The following COMMD5 variants were observed in gnomAD, a reference collection of about 807,000 sequenced individuals.
COMMD5 encodes COMM domain containing 5.
A neutral mutation model predicts 6.9 loss-of-function variants in COMMD5; 10 were observed. The observed-to-expected ratio is 1.44, with a 90% CI of 0.89 to 2.45. The LOEUF is 2.45. Among genes scored for constraint, COMMD5 ranks in the 30% most tolerant of loss-of-function variants. The probability of loss-of-function intolerance (pLI) is 0.00; values close to 1 mark genes in which losing one functional copy is unlikely to be tolerated. For synonymous variants in COMMD5, 127 were observed against 125.3 expected (o/e 1.01, Z -0.09); for missense variants, 234 against 287.8 (o/e 0.81, Z 1.35).
rs139772498 is a variant in COMMD5, at chr8:144,843,481, G to A, written c.*117-1738C>T. Reference sequence around the variant, plus strand: ...CAGGCACCTGTGGTCCCAGCTGCTCGGGAGGCTGAGGCAGGAGAATGGCAT... The same window carrying A: ...CAGGCACCTGTGGTCCCAGCTGCTCAGGAGGCTGAGGCAGGAGAATGGCAT... On this transcript the variant is annotated intron_variant and NMD_transcript_variant, in intron 1 of 1. Coordinates refer to the COMMD5 transcript ENST00000530332. 506 of 190,910 alleles carry A rather than the reference G, an allele frequency of 2.7e-3. 1 individual carries two copies. The highest frequency in any genetic ancestry group is 0.011 in the African/African-American group (456 of 42,436). 11.8% of individuals were successfully genotyped at this position (190,910 alleles called of 1,614,324 possible).
downstream of COMMD5, among the ~76,000 whole-genome samples, chr8:144,848,261 G>A (rs913887299): frequency 2.0e-4 from 31 of 151,950 alleles, no homozygotes; most frequent in African/African-American, 7.5e-4. Context: ...AGCCATGATC[G>A]TGCCATTGCA....
downstream of COMMD5, among the ~76,000 whole-genome samples, chr8:144,840,043 T>C (rs2130674149): frequency 6.6e-6 from 1 of 152,386 alleles, no homozygotes; most frequent in Non-Finnish European, 1.5e-5. Context: ...CAAGTGATTC[T>C]TGTGCCTCAG....
chr8:144,845,990 C>T (rs557000934), downstream of COMMD5: 39 of 1,536,522 alleles, frequency 2.5e-5, no homozygotes, highest in South Asian at 1.4e-4. Context: ...CTTTCTGGGC[C>T]GCCCAACCAT....
downstream of COMMD5, chr8:144,845,918 T>C: frequency 6.7e-7 from 1 of 1,495,940 alleles, no homozygotes; most frequent in Non-Finnish European, 8.9e-7. Flanking sequence ...GTAATGTGCT[T>C]AGCCAGGTGG....
chr8:144,848,657 T>C (rs939904783), downstream of COMMD5, among the ~76,000 whole-genome samples: 1 of 152,220 alleles, frequency 6.6e-6, no homozygotes, highest in Admixed American at 6.5e-5. Flanking sequence ...GTTTGCTCAC[T>C]GCTGAGTCAG....
At chr8:144,847,838 G>A (rs571245962), downstream of COMMD5, among the ~76,000 whole-genome samples, 122 of 152,246 alleles carry the variant, frequency 8.0e-4, no homozygotes, top group African/African-American at 2.7e-3. Context: ...GCAGACATCC[G>A]TTCTCTGTGC....
downstream of COMMD5, among the ~76,000 whole-genome samples, chr8:144,840,223 C>A (rs1261586499): frequency 6.6e-6 from 1 of 152,200 alleles, no homozygotes; most frequent in Non-Finnish European, 1.5e-5. Context: ...GAGGACCAGG[C>A]CTGGAGATGC....
downstream of COMMD5, chr8:144,846,697 GA>G (rs1034155972): frequency 9.1e-5 from 14 of 153,636 alleles, no homozygotes; most frequent in African/African-American, 3.4e-4. Context: ...GGGATGGGAG[GA>G]GGAGTCTTCT....
intron 1 of COMMD5, among the ~76,000 whole-genome samples, chr8:144,844,634 G>A (rs1371439371): frequency 1.3e-5 from 2 of 150,584 alleles, no homozygotes; most frequent in Non-Finnish European, 2.9e-5. Context: ...GTGTGAACCT[G>A]GGAGGCAGAG....
At chr8:144,841,565 T>G (rs1460988250) in exon 2 of COMMD5, 2 of 1,614,078 alleles carry the variant, frequency 1.2e-6, no homozygotes, top group East Asian at 2.2e-5. Context: ...AATAACTGTT[T>G]GAATGAGGAG....
exon 2 of COMMD5, chr8:144,841,539 A>C: frequency 1.2e-6 from 2 of 1,614,180 alleles, no homozygotes. Flanking sequence ...TGAAAGTGAC[A>C]GGCTTTACCT....
At chr8:144,841,612 C>A (rs368105854) in exon 2 of COMMD5, 1 of 1,614,194 alleles carries the variant, frequency 6.2e-7, no homozygotes, top group Non-Finnish European at 8.5e-7. Flanking sequence ...GGACGCACCC[C>A]AGGGATGTAA....
chr8:144,841,205 C>A (rs1276764622), exon 2 of COMMD5: 1 of 760,870 alleles, frequency 1.3e-6, no homozygotes. Flanking sequence ...CTGTCAAAGG[C>A]TCTGCCTTCT....
downstream of COMMD5, chr8:144,838,190 C>T (rs762778559): frequency 2.4e-5 from 17 of 700,966 alleles, no homozygotes; most frequent in Non-Finnish European, 4.4e-5. Context: ...ACACGGCTGC[C>T]TTCTCCCTGC....
downstream of COMMD5, among the ~76,000 whole-genome samples, chr8:144,840,313 A>T (rs956551702): frequency 6.6e-6 from 1 of 152,198 alleles, no homozygotes; most frequent in South Asian, 2.1e-4. Context: ...TCCAGGACTG[A>T]TAGGAAGACC....
intron 1 of COMMD5, among the ~76,000 whole-genome samples, chr8:144,851,642 G>C (rs879861219): frequency 6.6e-6 from 1 of 151,808 alleles, no homozygotes; most frequent in South Asian, 2.1e-4. Flanking sequence ...GAGAAGTAGG[G>C]GGCAGGGAGG....
chr8:144,844,871 G>A (rs1007278393), intron 1 of COMMD5, among the ~76,000 whole-genome samples: 13 of 151,894 alleles, frequency 8.6e-5, no homozygotes, highest in African/African-American at 2.9e-4. Flanking sequence ...GGGTGAGAGT[G>A]GGTTAGGAAG....
intron 1 of COMMD5, 121 bp from the exon 2 acceptor site, chr8:144,851,516 G>A (rs1830744984): frequency 1.4e-6 from 1 of 722,080 alleles, no homozygotes; most frequent in Admixed American, 3.0e-5. Flanking sequence ...GACAGTCAGT[G>A]CTGCGGAGAT....
intron 1 of COMMD5, among the ~76,000 whole-genome samples, chr8:144,844,311 T>C (rs1222340893): frequency 1.3e-5 from 2 of 152,212 alleles, no homozygotes; most frequent in Non-Finnish European, 2.9e-5. Flanking sequence ...CACACCCGTG[T>C]GCGCACAGGC....
Sources: gnomAD v4.1 joint callset for allele counts (sites outside exome capture counted in the v4.1 genomes callset) on GRCh38, gnomAD v4.1.1 for gene constraint, MANE v1.5 for transcripts, NCBI Gene and HGNC (gene_info 2026-07-23, HGNC 2026-07-21) for gene names.